PDE1C: variants seen among roughly 807,000 people sequenced by gnomAD.
The protein encoded by PDE1C is dual specificity calcium/calmodulin-dependent 3',5'-cyclic nucleotide phosphodiesterase 1C.
A neutral mutation model predicts 93.1 loss-of-function variants in PDE1C; 62 were observed. The ratio of observed to expected loss-of-function variants is 0.67; its 90% CI spans 0.54 to 0.82. PDE1C has a LOEUF of 0.82. PDE1C is among the 40% of genes least tolerant of loss of function. The pLI, the probability that PDE1C is intolerant of heterozygous loss-of-function variation, is 0.00. For missense variants in PDE1C, 742 were observed against 884.6 expected (o/e 0.84, Z 2.04); for synonymous variants, 325 against 310.1 (o/e 1.05, Z -0.50).
intron 17 of PDE1C, among the ~76,000 whole-genome samples, chr7:31,770,372 C>T (rs1251602432): frequency 6.6e-6 from 1 of 152,078 alleles, no homozygotes; most frequent in Non-Finnish European, 1.5e-5. Flanking sequence ...ATAGTGGTTT[C>T]CAAAGCACAA....
In PDE1C at chr7:31,979,018, G is replaced by A. The variant is rs115498004; in HGVS notation, c.128+72536C>T. Among the ~76,000 whole-genome samples, 1,169 of 152,198 alleles carry A rather than the reference G, an allele frequency of 7.7e-3. 10 individuals carry two copies. Among genetic ancestry groups the A allele is most frequent in the African/African-American group, 0.027 (1,115 of 41,514 alleles). ...TATAGGACTAGATGACAAACACTCA[G>A]GTAAAGGCATTTTACTGTGTGCAGC... On this transcript the variant is annotated intron_variant, in intron 2 of 17. Transcript: ENST00000396191.
chr7:32,078,856 G>A (rs1453900879), intron 3 of PDE1C, among the ~76,000 whole-genome samples: 1 of 151,340 alleles, frequency 6.6e-6, no homozygotes, highest in Non-Finnish European at 1.5e-5. Context: ...GAGCCCAGGG[G>A]TCAAGGCTGC....
chr7:32,008,784 T>C (rs1786633305), intron 2 of PDE1C, among the ~76,000 whole-genome samples: 2 of 152,212 alleles, frequency 1.3e-5, no homozygotes, highest in South Asian at 4.1e-4. Context: ...TTTGCCATGT[T>C]TCAGCATCAA....
Position 31,823,069 on chromosome 7 carries a change from T to C in PDE1C, c.1582+4A>G, listed in dbSNP as rs771174550. On this transcript the variant is annotated splice_donor_region_variant and intron_variant, in intron 14 of 17. Coordinates refer to ENST00000396191, the MANE Select transcript of PDE1C (RefSeq NM_001191057.4). ...TTGGTTTGGACAGGTCTGTGGCATG[T>C]TACCTTTGGGTACCTTGGCCCTCCA... The C allele has an allele frequency of 3.7e-6, 6 of 1,606,984 alleles. No homozygotes were observed. Among genetic ancestry groups the C allele is most frequent in the Non-Finnish European group, 4.3e-6 (5 of 1,176,346 alleles).
chr7:32,095,983 T>C lies in PDE1C; in HGVS notation c.308+73802A>G, dbSNP rs1797729697. Among the ~76,000 whole-genome samples, 4 of 152,220 alleles carry C rather than the reference T, an allele frequency of 2.6e-5. No individual in the cohort carries two copies. The South Asian group carries it at 8.3e-4, about 31-fold the overall frequency. ...ATATTATGTTGCATATAATTAGTCA[T>C]TGGCATCACAAACATGGCCTTTGCT... On this transcript the variant is annotated intron_variant, in intron 3 of 18. Transcript: ENST00000396193.
intron 2 of PDE1C, among the ~76,000 whole-genome samples, chr7:31,907,876 C>T (rs1400059644): frequency 6.6e-6 from 1 of 151,326 alleles, no homozygotes; most frequent in Admixed American, 6.6e-5. Flanking sequence ...GAAAATTACT[C>T]ATTCAAGTCA....
the PDE1C span, among the ~76,000 whole-genome samples, chr7:31,655,329 G>C: frequency 6.6e-6 from 1 of 152,072 alleles, no homozygotes; most frequent in African/African-American, 2.4e-5. Flanking sequence ...CACCAATGCT[G>C]AGTCTACTGC....
intron 1 of PDE1C, among the ~76,000 whole-genome samples, chr7:32,398,302 C>CAA (rs372761892): frequency 0.24 from 33,382 of 137,030 alleles, 4,549 homozygotes; most frequent in Admixed American, 0.36. Flanking sequence ...GACTCCGTCT[C>CAA]AAAAAAAAAA....
rs139918026 is a variant in PDE1C at position 32,288,246 on chromosome 7, G to A, written c.85+10405C>T. On this transcript the variant is annotated intron_variant, in intron 1 of 18. Coordinates refer to the PDE1C transcript ENST00000396193. ...GTAGCAGTTTCTCCACCTGTAAAATGGAGCTGCTCATAGATCTTTTTCAGG... is the reference window on the plus strand; with the variant it reads ...GTAGCAGTTTCTCCACCTGTAAAATAGAGCTGCTCATAGATCTTTTTCAGG... Among the ~76,000 whole-genome samples the A allele has an allele frequency of 1.8e-4, 27 of 152,326 alleles. No individual in the cohort carries two copies. In the East Asian group the frequency reaches 5.2e-3, roughly 29 times the overall value.
intron 1 of PDE1C, among the ~76,000 whole-genome samples, chr7:32,236,380 G>T (rs1808079712): frequency 6.6e-6 from 1 of 152,074 alleles, no homozygotes; most frequent in African/African-American, 2.4e-5. Flanking sequence ...GCTATAGCCT[G>T]GGAGAAAATA....
chr7:32,311,980 T>C (rs1211792264), intron 1 of PDE1C, among the ~76,000 whole-genome samples: 8 of 150,626 alleles, frequency 5.3e-5, no homozygotes, highest in Admixed American at 6.6e-5. Context: ...TGTTTGCAGA[T>C]GACATGATTG....
At chr7:32,204,295 C>T (rs941962492) in intron 2 of PDE1C, among the ~76,000 whole-genome samples, 1 of 152,204 alleles carries the variant, frequency 6.6e-6, no homozygotes, top group African/African-American at 2.4e-5. Flanking sequence ...TATCTTCAGA[C>T]CGCTATTAGC....
chr7:31,683,390 G>A, the PDE1C span, among the ~76,000 whole-genome samples: 1 of 151,420 alleles, frequency 6.6e-6, no homozygotes, highest in Non-Finnish European at 1.5e-5. Flanking sequence ...ATTGTTTAAT[G>A]TGACAATTCA....
At chr7:32,422,247 G>A (rs1785446455) in intron 1 of PDE1C, among the ~76,000 whole-genome samples, 2 of 149,428 alleles carry the variant, frequency 1.3e-5, no homozygotes, top group African/African-American at 5.0e-5. Context: ...TGAAGGTTAA[G>A]GCACAGGTGG....
chr7:31,706,784 AC>A, the PDE1C span, among the ~76,000 whole-genome samples: 1 of 152,256 alleles, frequency 6.6e-6, no homozygotes, highest in Middle Eastern at 3.2e-3. Flanking sequence ...GGTCACAATA[AC>A]CCTTTATAAT....
intron 1 of PDE1C, among the ~76,000 whole-genome samples, chr7:32,237,740 GTGTATATA>G (rs57264830): frequency 0.22 from 14,403 of 65,116 alleles, 920 homozygotes; most frequent in African/African-American, 0.3. Flanking sequence ...ACTTGGCTCT[GTGTATATA>G]TATATATATA....
intron 1 of PDE1C, among the ~76,000 whole-genome samples, chr7:32,226,797 G>A (rs1158193862): frequency 6.6e-6 from 1 of 152,212 alleles, no homozygotes; most frequent in African/African-American, 2.4e-5. Context: ...AGTCATGGGT[G>A]AGCCAAAGCC....
At chr7:31,626,849 C>T in the PDE1C span, among the ~76,000 whole-genome samples, 1 of 152,214 alleles carries the variant, frequency 6.6e-6, no homozygotes, top group Non-Finnish European at 1.5e-5. Context: ...TTATCTAGCA[C>T]ATTGCCTAAC....
chr7:32,385,716 A>T (rs940573683), intron 1 of PDE1C, among the ~76,000 whole-genome samples: 2 of 152,140 alleles, frequency 1.3e-5, no homozygotes, highest in Non-Finnish European at 2.9e-5. Flanking sequence ...GATTATAGTC[A>T]TGTGTGGTAC....
Sources: allele counts gnomAD v4.1 joint callset (sites outside exome capture counted in the v4.1 genomes callset), GRCh38; gene constraint gnomAD v4.1.1; transcripts MANE v1.5; gene names NCBI Gene and HGNC (gene_info 2026-07-23, HGNC 2026-07-21).